GIGYF2: variants seen among roughly 807,000 people sequenced by gnomAD.
The protein encoded by GIGYF2 is GRB10 interacting GYF protein 2, also known as GRB10-interacting GYF protein 2.
In GIGYF2, 25 loss-of-function variants were observed where a neutral mutation model predicts 208.1. That is an observed-to-expected ratio of 0.12 (90% CI 0.09 to 0.17). GIGYF2 has a LOEUF of 0.17. Among genes scored for constraint, GIGYF2 ranks in the 10% least tolerant of loss-of-function variants. The pLI is 1.00. For missense variants in GIGYF2, 1,302 were observed against 1,579.4 expected, an observed-to-expected ratio of 0.82 and a Z score of 2.98; for synonymous variants, 534 against 543.8, an observed-to-expected ratio of 0.98 and a Z score of 0.25.
intron 5 of GIGYF2, among the ~76,000 whole-genome samples, chr2:232,752,731 G>A (rs928004905): frequency 3.9e-5 from 6 of 151,958 alleles, no homozygotes; most frequent in African/African-American, 1.5e-4. Flanking sequence ...TAGTAGAGAC[G>A]GGGTTTCACC....
chr2:232,730,599 A>G lies in GIGYF2; in HGVS notation c.-43-4556A>G, dbSNP rs1365488883. Among the ~76,000 whole-genome samples, 14 of 108,994 alleles carry G rather than the reference A, an allele frequency of 1.3e-4. 1 individual carries two copies. The highest frequency in any genetic ancestry group is 5.2e-4 in the African/African-American group (14 of 26,934). The allele number at this position is 108,994 out of a possible 152,430, so 71.5% of individuals were successfully genotyped here. A position where few individuals can be genotyped will look rare whatever the true frequency, so the allele number is the denominator to read the frequency against. ...CAGCCTGGGCAGTAGAGCGAGACTC[A>G]GTCTTAAAAAAAAAAAAGGCCGGGC... is the stretch of plus-strand genomic sequence containing the variant. On this transcript the variant is annotated intron_variant, in intron 2 of 28. Coordinates refer to ENST00000373563, the MANE Select transcript of GIGYF2 (RefSeq NM_001103146.3).
chr2:232,843,394 C>T (rs1357050338), intron 23 of GIGYF2, among the ~76,000 whole-genome samples: 2 of 151,536 alleles, frequency 1.3e-5, no homozygotes, highest in African/African-American at 4.9e-5. Context: ...CCCGTCTCTA[C>T]TAAAAATACA....
intron 20 of GIGYF2, among the ~76,000 whole-genome samples, chr2:232,819,608 ACTG>A (rs553058208): frequency 2.4e-3 from 361 of 152,330 alleles, no homozygotes; most frequent in African/African-American, 7.9e-3. Context: ...TTGTAATTTA[ACTG>A]CTAATATTTT....
chr2:232,724,296 G>A (rs1697091283), intron 2 of GIGYF2, among the ~76,000 whole-genome samples: 1 of 146,012 alleles, frequency 6.8e-6, no homozygotes. Context: ...GACCTCAAGT[G>A]ATCCACCCAT....
At chr2:232,809,535 C>G (rs1700667888) in intron 15 of GIGYF2, among the ~76,000 whole-genome samples, 185 bp from the exon 16 acceptor site, 2 of 152,140 alleles carry the variant, frequency 1.3e-5, no homozygotes, top group African/African-American at 4.8e-5. Context: ...ACCACTGTTT[C>G]CACTAGATGG....
chr2:232,792,638 C>T (rs114303063), intron 12 of GIGYF2, among the ~76,000 whole-genome samples: 1,685 of 152,206 alleles, frequency 0.011, 40 homozygotes, highest in African/African-American at 0.039. Flanking sequence ...AGGCTGGATC[C>T]GAACTCCTGG....
At position 232,756,217 on chromosome 2, in the gene GIGYF2, T is replaced by G. The variant is rs1383407048; in HGVS notation, c.268-6T>G. On this transcript the variant is annotated splice_region_variant and splice_polypyrimidine_tract_variant and intron_variant, in intron 5 of 28. Coordinates refer to ENST00000373563, the MANE Select transcript of GIGYF2 (RefSeq NM_001103146.3). ...TTTCTCTTTTTTTTTTTTTTTTTTT[T>G]GGCAGAGAAACTTTTCCATGTCTGT... 3 of 1,284,260 alleles carry G rather than the reference T, an allele frequency of 2.3e-6. No homozygotes were observed. The highest frequency in any genetic ancestry group is 1.7e-5 in the African/African-American group (1 of 58,754). 79.6% of individuals were successfully genotyped at this position (1,284,260 alleles called of 1,614,324 possible).
At chr2:232,766,973 C>G (rs1447338833) in intron 8 of GIGYF2, 1 of 151,760 alleles carries the variant, frequency 6.6e-6, no homozygotes, top group Non-Finnish European at 1.5e-5. Flanking sequence ...GACAGTTTCT[C>G]TTTTTTTTAT....
At chr2:232,766,949 TG>T (rs1698990818) in intron 8 of GIGYF2, 1 of 152,214 alleles carries the variant, frequency 6.6e-6, no homozygotes, top group African/African-American at 2.4e-5. Context: ...TTTTGGTTTT[TG>T]TTTTGTTTTA....
intron 3 of GIGYF2, 146 bp downstream of exon 3, chr2:232,735,384 G>T (rs1697691564): frequency 3.0e-6 from 2 of 663,494 alleles, no homozygotes; most frequent in Non-Finnish European, 5.4e-6. Flanking sequence ...GTTAGTTCAG[G>T]AATAAATTAT....
chr2:232,795,990 G>A (rs1028706184), intron 13 of GIGYF2, 72 bp from the exon 14 acceptor site: 9 of 1,075,220 alleles, frequency 8.4e-6, no homozygotes, highest in East Asian at 2.4e-5. Flanking sequence ...AAAGGGGCAG[G>A]CACTGTTATT....
At chr2:232,716,396 T>A (rs1249115754) in intron 2 of GIGYF2, among the ~76,000 whole-genome samples, 1 of 74,512 alleles carries the variant, frequency 1.3e-5, no homozygotes, top group African/African-American at 6.4e-5. Flanking sequence ...TTTTTTTTTT[T>A]GAGACAGAGT....
chr2:232,819,862 T>C lies in GIGYF2; in HGVS notation c.2406T>C (p.Ile802=). The change falls in exon 21 of 29, where the codon ATT becomes ATC. Residue 802 remains isoleucine (I), a synonymous_variant. Transcript: ENST00000373563. ...EALRRQREQE[I]ALRRQREEEE... is the part of the protein sequence containing the mutation. ...TGCGTCGCCAGCGGGAGCAAGAAATTGCATTAAGGCGACAGCGAGAAGAGG... is the reference window on the plus strand; with the variant it reads ...TGCGTCGCCAGCGGGAGCAAGAAATCGCATTAAGGCGACAGCGAGAAGAGG... 1 of 1,569,898 alleles carries C rather than the reference T, an allele frequency of 6.4e-7. No individual in the cohort carries two copies. The highest frequency in any genetic ancestry group is 1.1e-5 in the South Asian group (1 of 90,094).
intron 3 of GIGYF2, chr2:232,735,626 A>G (rs1451164117): frequency 1.4e-6 from 1 of 702,920 alleles, no homozygotes; most frequent in African/African-American, 1.9e-5. Context: ...TTTGAGAAAT[A>G]GTTTTCATTG....
At chr2:232,834,753 T>C (rs1475474606) in intron 22 of GIGYF2, among the ~76,000 whole-genome samples, 1 of 152,220 alleles carries the variant, frequency 6.6e-6, no homozygotes, top group Non-Finnish European at 1.5e-5. Flanking sequence ...TTCTCTCTAT[T>C]CTTTGTGTAA....
intron 2 of GIGYF2, among the ~76,000 whole-genome samples, chr2:232,727,425 A>G (rs1458843400): frequency 6.6e-6 from 1 of 152,214 alleles, no homozygotes; most frequent in Non-Finnish European, 1.5e-5. Context: ...CCCACCACAT[A>G]TATGTGAACA....
At chr2:232,762,423 T>C (rs1053273405) in intron 8 of GIGYF2, among the ~76,000 whole-genome samples, 1 of 151,848 alleles carries the variant, frequency 6.6e-6, no homozygotes, top group Non-Finnish European at 1.5e-5. Flanking sequence ...TGGCTAATTT[T>C]TGTATTTTTA....
intron 2 of GIGYF2, among the ~76,000 whole-genome samples, chr2:232,734,716 A>C (rs140961388): frequency 6.6e-6 from 1 of 152,348 alleles, no homozygotes; most frequent in East Asian, 1.9e-4. Context: ...TGTGATAGGT[A>C]AGGAGGGTCC....
intron 4 of GIGYF2, 35 bp from the exon 5 acceptor site, chr2:232,748,952 G>A (rs150415334): frequency 1.0e-5 from 9 of 897,070 alleles, no homozygotes; most frequent in East Asian, 9.6e-5. Flanking sequence ...TGCAGAAATA[G>A]CATTAATCTC....
Sources: gnomAD v4.1 joint callset for allele counts (sites outside exome capture counted in the v4.1 genomes callset) on GRCh38, gnomAD v4.1.1 for gene constraint, MANE v1.5 for transcripts, NCBI Gene and HGNC (gene_info 2026-07-23, HGNC 2026-07-21) for gene names.